VPS35L: variants seen among roughly 807,000 people sequenced by gnomAD.
VPS35L encodes the protein VPS35 endosomal protein-sorting factor-like.
VPS35L carries 83 observed loss-of-function variants against 133.0 expected under a neutral mutation model. The ratio of observed to expected loss-of-function variants is 0.62; its 90% confidence interval spans 0.52 to 0.75. VPS35L has a LOEUF of 0.75. Among genes scored for constraint, VPS35L ranks in the 30% least tolerant of loss-of-function variants. VPS35L has a pLI of 0.00. For synonymous variants in VPS35L, 423 were observed against 449.9 expected, an observed-to-expected ratio of 0.94 and a Z score of 0.76; for missense variants, 1,083 against 1,206.8, an observed-to-expected ratio of 0.90 and a Z score of 1.52.
rs752615438 is a variant in VPS35L at position 19,608,210 on chromosome 16, G to A, written c.817G>A (p.Ala273Thr). 2 of 1,613,448 alleles carry A rather than the reference G, an allele frequency of 1.2e-6. No homozygotes were observed. Among genetic ancestry groups the A allele is most frequent in the Non-Finnish European group, 1.7e-6 (2 of 1,179,680 alleles). ...HFSPENANDT[A>T]KETCLNWFFK... is the part of the protein sequence containing the mutation. ...TTCTCCAGAGAATGCAAATGACACG[G>A]CCAAGGAAACATGCCTAAATTGGTT... Residue 273 changes from alanine (A) to threonine (T), a missense_variant, in exon 10 of 31, where the codon GCC (alanine) becomes ACC (threonine). Physicochemically the swap from Ala to Thr is moderately conservative, Grantham distance 58 (BLOSUM62 0). Transcript: ENST00000417362.
intron 12 of VPS35L, among the ~76,000 whole-genome samples, chr16:19,615,537 C>G (rs1972858004): frequency 6.6e-6 from 1 of 152,078 alleles, no homozygotes; most frequent in African/African-American, 2.4e-5. Context: ...GTAATCCCTG[C>G]TACTTGGGAG....
Position 19,642,401 on chromosome 16 carries a change from A to C in VPS35L, c.1790A>C (p.Gln597Pro). The C allele has an allele frequency of 6.2e-7, 1 of 1,613,728 alleles. No homozygotes were observed. The highest frequency in any genetic ancestry group is 8.5e-7 in the Non-Finnish European group (1 of 1,179,700). Residue 597 changes from glutamine to proline, a missense_variant, in exon 22 of 31, where the codon CAA becomes CCA. Coordinates refer to ENST00000417362, the MANE Select transcript of VPS35L (RefSeq NM_020314.7). ...KCIMDAFIKH[Q>P]QEPTKDPVIL... ...TATCTTTAAATGTCTCCTAGGCATC[A>C]ACAAGAGCCCACCAAGGACCCGGTC...
intron 14 of VPS35L, among the ~76,000 whole-genome samples, chr16:19,621,111 G>C (rs1973065313): frequency 6.6e-6 from 1 of 152,090 alleles, no homozygotes; most frequent in Non-Finnish European, 1.5e-5. Flanking sequence ...TAATAACATG[G>C]AGAAGAGAGG....
chr16:19,665,704 T>C (rs1974641483), intron 26 of VPS35L, among the ~76,000 whole-genome samples: 1 of 152,236 alleles, frequency 6.6e-6, no homozygotes, highest in Non-Finnish European at 1.5e-5. Context: ...AGTGGTGGGA[T>C]TGCTGGATCC....
chr16:19,588,737 A>G (rs226870), intron 7 of VPS35L, among the ~76,000 whole-genome samples: 78,720 of 152,016 alleles, frequency 0.52, 22,372 homozygotes, highest in African/African-American at 0.74. Flanking sequence ...GGACAATGTC[A>G]CTGTGAGCAC....
At chr16:19,693,293 G>C (rs369374482) in intron 29 of VPS35L, among the ~76,000 whole-genome samples, 5 of 152,058 alleles carry the variant, frequency 3.3e-5, no homozygotes, top group African/African-American at 1.2e-4. Context: ...GTTGCGGGGG[G>C]GCAGGGGAGG....
intron 2 of VPS35L, among the ~76,000 whole-genome samples, chr16:19,566,348 T>A (rs2151502718): frequency 6.6e-6 from 1 of 152,174 alleles, no homozygotes; most frequent in Non-Finnish European, 1.5e-5. Context: ...ATATAAAAAT[T>A]AGCTGGGCAT....
At chr16:19,698,273 G>C (rs544652419) in intron 29 of VPS35L, among the ~76,000 whole-genome samples, 5 of 152,264 alleles carry the variant, frequency 3.3e-5, no homozygotes, top group African/African-American at 4.8e-5. Context: ...AGCTGTCTGT[G>C]TTTCTCAGCT....
intron 8 of VPS35L, among the ~76,000 whole-genome samples, chr16:19,595,306 C>T (rs1310748981): frequency 6.6e-6 from 1 of 152,062 alleles, no homozygotes; most frequent in African/African-American, 2.4e-5. Context: ...GCAGGGGTGG[C>T]TTGGCCCCGG....
intron 16 of VPS35L, among the ~76,000 whole-genome samples, chr16:19,628,388 T>A (rs908625747): frequency 6.6e-6 from 1 of 152,168 alleles, no homozygotes; most frequent in Non-Finnish European, 1.5e-5. Flanking sequence ...TCTTCATTCA[T>A]TATTTATGAA....
At position 19,639,959 on chromosome 16, in the gene VPS35L, T is replaced by G; in HGVS notation, c.1699-56T>G. The G allele has an allele frequency of 2.1e-6, 3 of 1,453,902 alleles. No individual in the cohort carries two copies. The highest frequency in any genetic ancestry group is 2.9e-6 in the Non-Finnish European group (3 of 1,039,282). The allele number at this position is 1,453,902 out of a possible 1,614,324, so 90.1% of individuals were successfully genotyped here. A position where few individuals can be genotyped will look rare whatever the true frequency, so the allele number is the denominator to read the frequency against. On this transcript the variant is annotated intron_variant, in intron 20 of 30. Coordinates refer to ENST00000417362, the MANE Select transcript of VPS35L (RefSeq NM_020314.7). This position sits in a 1 kb window ranked among gnomAD's most constrained non-coding sequence, Gnocchi z 4.1. Reference sequence around the variant, plus strand: ...TCCACAGAAAAAGAGACCCACAGATTCCTTCCTTCCAATAACTTGTGTCAT... The same window carrying G: ...TCCACAGAAAAAGAGACCCACAGATGCCTTCCTTCCAATAACTTGTGTCAT...
At chr16:19,673,013 G>C (rs1204243407) in intron 27 of VPS35L, among the ~76,000 whole-genome samples, 2 of 152,354 alleles carry the variant, frequency 1.3e-5, no homozygotes, top group South Asian at 4.1e-4. Flanking sequence ...CTGACCTGAA[G>C]AGTTCATAGC....
At chr16:19,673,004 T>A (rs1255309785) in intron 27 of VPS35L, among the ~76,000 whole-genome samples, 1 of 152,228 alleles carries the variant, frequency 6.6e-6, no homozygotes, top group Non-Finnish European at 1.5e-5. Context: ...TGTTCAGTCC[T>A]GACCTGAAGA....
At chr16:19,604,212 C>T (rs1184331660) in intron 9 of VPS35L, among the ~76,000 whole-genome samples, 1 of 150,840 alleles carries the variant, frequency 6.6e-6, no homozygotes, top group African/African-American at 2.4e-5. Flanking sequence ...ATATACCCAA[C>T]CTCTTAAAAA....
chr16:19,624,262 C>A (rs1010922695), intron 14 of VPS35L, among the ~76,000 whole-genome samples: 10 of 151,286 alleles, frequency 6.6e-5, no homozygotes, highest in Non-Finnish European at 1.2e-4. Context: ...ACCACAGGCA[C>A]GTACCACCAC....
intron 1 of VPS35L, among the ~76,000 whole-genome samples, chr16:19,559,171 A>C (rs1038307209): frequency 3.9e-5 from 6 of 152,214 alleles, no homozygotes; most frequent in Non-Finnish European, 7.3e-5. Context: ...ATTTCTGTGT[A>C]TCCATATTAT....
intron 28 of VPS35L, among the ~76,000 whole-genome samples, chr16:19,688,715 C>T (rs774915411): frequency 1.3e-5 from 2 of 152,184 alleles, no homozygotes; most frequent in African/African-American, 2.4e-5. Flanking sequence ...TGTTCACAGC[C>T]GGTTATGCTC....
intron 8 of VPS35L, among the ~76,000 whole-genome samples, chr16:19,599,537 C>G (rs1257690608): frequency 1.4e-5 from 2 of 145,660 alleles, no homozygotes; most frequent in East Asian, 4.0e-4. Context: ...CTCCAAAATA[C>G]TTTTTTTTTT....
At chr16:19,589,973 C>T (rs1245896309) in intron 7 of VPS35L, among the ~76,000 whole-genome samples, 1 of 152,130 alleles carries the variant, frequency 6.6e-6, no homozygotes, top group African/African-American at 2.4e-5. Context: ...GAGTTGTTAG[C>T]TTTTTCCAGC....
Sources: gnomAD v4.1 joint callset for allele counts (sites outside exome capture counted in the v4.1 genomes callset) on GRCh38, gnomAD v4.1.1 for gene constraint, Gnocchi (gnomAD v3.1) non-coding constraint, MANE v1.5 for transcripts, NCBI Gene and HGNC (gene_info 2026-07-23, HGNC 2026-07-21) for gene names.